The following PGCKA1 variants were observed in gnomAD, a reference collection of about 807,000 sequenced individuals.
The protein encoded by PGCKA1 is PDCD10 and GCKIII kinases associated 1.
At chr4:37,560,162 C>T in the PGCKA1 span, among the ~76,000 whole-genome samples, 2 of 152,328 alleles carry the variant, frequency 1.3e-5, no homozygotes, top group East Asian at 3.9e-4. Context: ...CACTAATATG[C>T]CAATGCCACC....
chr4:37,471,876 AGC>A, the PGCKA1 span, among the ~76,000 whole-genome samples: 14 of 152,224 alleles, frequency 9.2e-5, no homozygotes, highest in African/African-American at 3.1e-4. Context: ...CCTGGTTTCT[AGC>A]TTAAGAGATG....
chr4:37,464,549 A>G, the PGCKA1 span, among the ~76,000 whole-genome samples: 13 of 152,310 alleles, frequency 8.5e-5, no homozygotes, highest in East Asian at 1.5e-3. Context: ...TGTAAAATAC[A>G]TCTGGACTAG....
chr4:37,481,155 G>C, the PGCKA1 span, among the ~76,000 whole-genome samples: 5 of 152,174 alleles, frequency 3.3e-5, no homozygotes, highest in East Asian at 9.6e-4. Context: ...GTTAGCCTAA[G>C]ATGGGCTTTT....
At chr4:37,566,155 C>T in the PGCKA1 span, among the ~76,000 whole-genome samples, 1 of 152,142 alleles carries the variant, frequency 6.6e-6, no homozygotes, top group Non-Finnish European at 1.5e-5. Flanking sequence ...CTCTGGAGAA[C>T]CCTGACTAAT....
the PGCKA1 span, among the ~76,000 whole-genome samples, chr4:37,463,803 A>G: frequency 6.8e-6 from 1 of 146,352 alleles, no homozygotes; most frequent in Non-Finnish European, 1.5e-5. Flanking sequence ...TGTTACTTTT[A>G]TATAACCAAA....
At chr4:37,589,632 G>A in the PGCKA1 span, among the ~76,000 whole-genome samples, 1 of 152,056 alleles carries the variant, frequency 6.6e-6, no homozygotes, top group Non-Finnish European at 1.5e-5. Context: ...ATTTCAGGCA[G>A]AACCTTGTTT....
the PGCKA1 span, among the ~76,000 whole-genome samples, chr4:37,530,598 A>G: frequency 2.5e-5 from 3 of 118,468 alleles, no homozygotes; most frequent in Admixed American, 8.7e-5. Flanking sequence ...AAAAAAAAAA[A>G]TGCTTGGGAG....
At chr4:37,456,683 C>G in the PGCKA1 span, among the ~76,000 whole-genome samples, 1 of 152,156 alleles carries the variant, frequency 6.6e-6, no homozygotes, top group African/African-American at 2.4e-5. Context: ...ACCAGAGAGT[C>G]GATGAGTTTC....
At chr4:37,472,730 C>T in the PGCKA1 span, among the ~76,000 whole-genome samples, 1 of 152,148 alleles carries the variant, frequency 6.6e-6, no homozygotes, top group South Asian at 2.1e-4. Flanking sequence ...GAAATTCTCC[C>T]TTTCCTTTGA....
the PGCKA1 span, among the ~76,000 whole-genome samples, chr4:37,558,505 A>C: frequency 6.6e-6 from 1 of 152,112 alleles, no homozygotes; most frequent in Non-Finnish European, 1.5e-5. Context: ...AAGAAAACCT[A>C]GGCATTACCA....
the PGCKA1 span, among the ~76,000 whole-genome samples, chr4:37,490,151 CA>C: frequency 1.3e-5 from 2 of 152,120 alleles, no homozygotes; most frequent in Non-Finnish European, 2.9e-5. Flanking sequence ...ACTGTATACT[CA>C]GTTTTCATTG....
the PGCKA1 span, among the ~76,000 whole-genome samples, chr4:37,485,883 C>T: frequency 6.6e-6 from 1 of 152,116 alleles, no homozygotes; most frequent in Non-Finnish European, 1.5e-5. Flanking sequence ...AGGAACTGAG[C>T]AGATTTCCCT....
At chr4:37,476,917 T>A in the PGCKA1 span, among the ~76,000 whole-genome samples, 1 of 152,158 alleles carries the variant, frequency 6.6e-6, no homozygotes, top group Non-Finnish European at 1.5e-5. Context: ...GGCAAGGAAG[T>A]GGAGAAACTG....
At chr4:37,584,282 T>C in the PGCKA1 span, 1 of 152,184 alleles carries the variant, frequency 6.6e-6, no homozygotes, top group African/African-American at 2.4e-5. Flanking sequence ...AGAAGGAATG[T>C]TGCTGGGGAA....
chr4:37,541,327 A>C, the PGCKA1 span, among the ~76,000 whole-genome samples: 1 of 152,128 alleles, frequency 6.6e-6, no homozygotes, highest in Non-Finnish European at 1.5e-5. Context: ...AAGCACCCAC[A>C]AGTGGGTCTG....
At chr4:37,489,342 G>A in the PGCKA1 span, among the ~76,000 whole-genome samples, 1 of 152,018 alleles carries the variant, frequency 6.6e-6, no homozygotes, top group Admixed American at 6.6e-5. Context: ...CTCATTTTGG[G>A]GGAAGGAGAG....
the PGCKA1 span, among the ~76,000 whole-genome samples, chr4:37,526,427 G>A: frequency 2.0e-5 from 3 of 152,324 alleles, no homozygotes; most frequent in African/African-American, 7.2e-5. Flanking sequence ...CAAACCTTAA[G>A]AAATTGCCTG....
the PGCKA1 span, among the ~76,000 whole-genome samples, chr4:37,593,368 G>A: frequency 6.6e-6 from 1 of 152,122 alleles, no homozygotes; most frequent in Non-Finnish European, 1.5e-5. Flanking sequence ...ACGTATCAAT[G>A]ACCCGCATAT....
At chr4:37,556,043 A>G in the PGCKA1 span, among the ~76,000 whole-genome samples, 8 of 152,074 alleles carry the variant, frequency 5.3e-5, no homozygotes, top group Admixed American at 1.3e-4. Flanking sequence ...TAAATTTTCT[A>G]ACAGTCTTTC....
Sources: allele counts gnomAD v4.1 joint callset (sites outside exome capture counted in the v4.1 genomes callset), GRCh38; gene constraint gnomAD v4.1.1; transcripts MANE v1.5; gene names NCBI Gene and HGNC (gene_info 2026-07-23, HGNC 2026-07-21).